STRAP: variants seen among roughly 807,000 people sequenced by gnomAD.
The protein encoded by STRAP is serine-threonine kinase receptor-associated protein.
A neutral mutation model predicts 47.0 loss-of-function variants in STRAP; 16 were observed. That is an observed-to-expected ratio of 0.34 (90% CI 0.23 to 0.52). The LOEUF is 0.52. Ranked by LOEUF, STRAP falls within the 20% of genes least tolerant of loss-of-function variation. STRAP has a pLI of 0.96. For synonymous variants in STRAP, 130 were observed against 142.7 expected (o/e 0.91, Z 0.63); for missense variants, 293 against 420.0 (o/e 0.70, Z 2.64).
intron 2 of STRAP, among the ~76,000 whole-genome samples, 155 bp downstream of exon 2, chr12:15,883,831 C>A (rs1180948122): frequency 6.6e-6 from 1 of 152,230 alleles, no homozygotes; most frequent in African/African-American, 2.4e-5. Context: ...CGTGGTCCAT[C>A]GTGGTCCTGT....
Position 15,882,496 on chromosome 12 carries a change from G to C in STRAP, c.-212G>C. ...CTCCCTCCCTCCCTTTCCCTCCCTC[G>C]TCGACTGTTGCTTGCTGGTCGCAGA... is the stretch of plus-strand genomic sequence containing the variant. On this transcript the variant is annotated 5_prime_UTR_variant, in exon 1 of 10. Coordinates refer to ENST00000419869, the MANE Select transcript of STRAP (RefSeq NM_007178.4). 5.9e-6 allele frequency: 2 copies of C among 340,784 alleles called. No homozygotes were observed. Among genetic ancestry groups the C allele is most frequent in the Non-Finnish European group, 1.1e-5 (2 of 178,024 alleles). 21.1% of individuals were successfully genotyped at this position (340,784 alleles called of 1,614,324 possible). A position where few individuals can be genotyped will look rare whatever the true frequency, so the allele number is the denominator to read the frequency against.
Position 15,898,115 on chromosome 12 carries a change from A to G in STRAP, c.775+97A>G, listed in dbSNP as rs1948075146. On this transcript the variant is annotated intron_variant, in intron 7 of 9. Coordinates refer to ENST00000419869, the MANE Select transcript of STRAP (RefSeq NM_007178.4). ...ATATATATATATATGTTACATATAT[A>G]TGTTGAAAGTAAATTTTTCAGCTAA... 3 of 1,145,454 alleles carry G rather than the reference A, an allele frequency of 2.6e-6. No homozygotes were observed. In the South Asian group the frequency reaches 5.9e-5, roughly 23 times the overall value. The allele number at this position is 1,145,454 out of a possible 1,614,324, so 71.0% of individuals were successfully genotyped here.
At position 15,882,540 on chromosome 12, in the gene STRAP, A is replaced by C. The variant is rs1591981123; in HGVS notation, c.-168A>C. On this transcript the variant is annotated 5_prime_UTR_variant, in exon 1 of 10. Transcript: ENST00000419869. ...TCGCAGACTCCCTGACCCCTCCCTC[A>C]CCCCTCCCTAACCTCGGTGCCACCG... 2.7e-5 allele frequency: 15 copies of C among 550,710 alleles called. No individual in the cohort carries two copies. Among genetic ancestry groups the C allele is most frequent in the Admixed American group, 6.3e-5 (2 of 31,562 alleles). 34.1% of individuals were successfully genotyped at this position (550,710 alleles called of 1,614,324 possible).
At chr12:15,893,477 TTA>T (rs1491402905) in intron 4 of STRAP, among the ~76,000 whole-genome samples, 1 of 146,642 alleles carries the variant, frequency 6.8e-6, no homozygotes, top group African/African-American at 2.5e-5. Flanking sequence ...ATACTTTTTA[TTA>T]TATATAAAAT....
rs1948062063 is a variant in STRAP at position 15,896,587 on chromosome 12, T to G, written c.638+1091T>G. 6.6e-6 allele frequency among the ~76,000 whole-genome samples: 1 copy of G among 152,186 alleles called. No individual in the cohort carries two copies. Among genetic ancestry groups the G allele is most frequent in the African/African-American group, 2.4e-5 (1 of 41,460 alleles). ...GGACCATAATGAATACCATTTTGAT[T>G]TGTTTAAAAATATTGTTAGCCATTT... On this transcript the variant is annotated intron_variant, in intron 6 of 9. Transcript: ENST00000419869. This position sits in a 1 kb window ranked among gnomAD's most constrained non-coding sequence, Gnocchi z 4.1.
chr12:15,882,612 C>A lies in STRAP; in HGVS notation c.-96C>A. 3 of 1,030,184 alleles carry A rather than the reference C, an allele frequency of 2.9e-6. No individual in the cohort carries two copies. The highest frequency in any genetic ancestry group is 4.3e-6 in the Non-Finnish European group (3 of 690,750). 63.8% of individuals were successfully genotyped at this position (1,030,184 alleles called of 1,614,324 possible). A position where few individuals can be genotyped will look rare whatever the true frequency, so the allele number is the denominator to read the frequency against. On this transcript the variant is annotated 5_prime_UTR_variant, in exon 1 of 10. Transcript: ENST00000419869. ...GCCCAGCCCAGCCCTAGTGTCAGGG[C>A]GGGGGCCTGGAGCAGCCCGAGGCAC...
chr12:15,890,584 T>C lies in STRAP; in HGVS notation c.331-13T>C. On this transcript the variant is annotated splice_polypyrimidine_tract_variant and intron_variant, in intron 3 of 9. Transcript: ENST00000419869. This position sits in a 1 kb window ranked among gnomAD's most constrained non-coding sequence, Gnocchi z 4.5. ...AATGGTTAATCTATTCACATTTTAC[T>C]TTGTGTTTTCAGGATAGTAATTATT... is the stretch of plus-strand genomic sequence containing the variant. 6.3e-7 allele frequency: 1 copy of C among 1,599,876 alleles called. No homozygotes were observed. Among genetic ancestry groups the C allele is most frequent in the Non-Finnish European group, 8.5e-7 (1 of 1,172,400 alleles).
At chr12:15,893,897 A>G (rs1318899916) in intron 4 of STRAP, 150 bp from the exon 5 acceptor site, 3 of 621,166 alleles carry the variant, frequency 4.8e-6, no homozygotes, top group Non-Finnish European at 8.4e-6. Flanking sequence ...ACTGTATTCT[A>G]TATAAACATC....
chr12:15,894,261 C>T lies in STRAP; in HGVS notation c.500+118C>T. 1 of 703,262 alleles carries T rather than the reference C, an allele frequency of 1.4e-6. No individual in the cohort carries two copies. The highest frequency in any genetic ancestry group is 2.4e-6 in the Non-Finnish European group (1 of 416,722). The allele number at this position is 703,262 out of a possible 1,614,324, so 43.6% of individuals were successfully genotyped here. A position where few individuals can be genotyped will look rare whatever the true frequency, so the allele number is the denominator to read the frequency against. The stretch of plus-strand genomic sequence containing the variant: ...ATCATTAGAGGTCAGGAGTACTAGA[C>T]CAGCCTGGCCGACATGGCGAAATAC... On this transcript the variant is annotated intron_variant, in intron 5 of 9. Coordinates refer to ENST00000419869, the MANE Select transcript of STRAP (RefSeq NM_007178.4). This position sits in a 1 kb window ranked among gnomAD's most constrained non-coding sequence, Gnocchi z 4.9.
In STRAP at chr12:15,887,347, G is replaced by A. The variant is rs1481653261; in HGVS notation, c.249-2581G>A. The stretch of plus-strand genomic sequence containing the variant: ...AGAGGTAACAGTAGTTTAAGGAGAT[G>A]ACAAGTACTTCGTGGGATGTGAAGA... On this transcript the variant is annotated intron_variant, in intron 2 of 9. Coordinates refer to ENST00000419869, the MANE Select transcript of STRAP (RefSeq NM_007178.4). The surrounding 1 kb of genome is among the most constrained non-coding windows in gnomAD (Gnocchi z 5.5). 6.6e-6 allele frequency among the ~76,000 whole-genome samples: 1 copy of A among 152,182 alleles called. No individual in the cohort carries two copies. Among genetic ancestry groups the A allele is most frequent in the Non-Finnish European group, 1.5e-5 (1 of 68,038 alleles).
chr12:15,882,523 T>A lies in STRAP; in HGVS notation c.-185T>A. The stretch of plus-strand genomic sequence containing the variant: ...CGACTGTTGCTTGCTGGTCGCAGAC[T>A]CCCTGACCCCTCCCTCACCCCTCCC... On this transcript the variant is annotated 5_prime_UTR_variant, in exon 1 of 10. Coordinates refer to ENST00000419869, the MANE Select transcript of STRAP (RefSeq NM_007178.4). 4.3e-6 allele frequency: 2 copies of A among 467,254 alleles called. No individual in the cohort carries two copies. Among genetic ancestry groups the A allele is most frequent in the East Asian group, 4.1e-5 (1 of 24,098 alleles). 28.9% of individuals were successfully genotyped at this position (467,254 alleles called of 1,614,324 possible). A position where few individuals can be genotyped will look rare whatever the true frequency, so the allele number is the denominator to read the frequency against.
Position 15,900,979 on chromosome 12 carries a change from A to G in STRAP, c.958A>G (p.Ile320Val), listed in dbSNP as rs1004702555. ...TAGTGGTGAGCTGGCAAAGCCAAAG[A>G]TTGGTTTTCCAGAGACAACAGAAGA... ...EDSGELAKPKIGFPETTEEEL... is the reference protein window; with the variant it reads ...EDSGELAKPKVGFPETTEEEL... Residue 320 changes from isoleucine to valine, a missense_variant, in exon 9 of 10, where the codon ATT becomes GTT. Ile to Val is a conservative substitution (Grantham distance 29, BLOSUM62 3). Around this residue, in one of 5 missense-constraint regions of STRAP, gnomAD observed 52 missense variants for 45.0 expected, o/e 1.16. Coordinates refer to ENST00000419869, the MANE Select transcript of STRAP (RefSeq NM_007178.4). 1.9e-6 allele frequency: 3 copies of G among 1,599,070 alleles called. No individual in the cohort carries two copies. In the African/African-American group the frequency reaches 4.0e-5, roughly 21 times the overall value.
chr12:15,889,845 A>G (rs1253049231), intron 2 of STRAP, 83 bp from the exon 3 acceptor site: 14 of 1,065,714 alleles, frequency 1.3e-5, no homozygotes, highest in Non-Finnish European at 2.0e-5. Flanking sequence ...CTTATTTGGT[A>G]CTCATCAATA....
chr12:15,891,944 GA>G (rs11339298), intron 4 of STRAP, among the ~76,000 whole-genome samples: 9,638 of 138,404 alleles, frequency 0.07, 943 homozygotes, highest in African/African-American at 0.22. Context: ...TTCTCAAAAA[GA>G]AAAAAAAAAA....
At chr12:15,892,966 CG>C (rs1565575360) in intron 4 of STRAP, among the ~76,000 whole-genome samples, 1 of 152,096 alleles carries the variant, frequency 6.6e-6, no homozygotes, top group African/African-American at 2.4e-5. Context: ...TACTGTGTAT[CG>C]GGTATCTGTT....
intron 2 of STRAP, among the ~76,000 whole-genome samples, chr12:15,888,803 C>G (rs1191692968): frequency 1.3e-5 from 2 of 152,096 alleles, no homozygotes; most frequent in African/African-American, 4.8e-5. Context: ...AGCTAAAGCT[C>G]TACTATGGCA....
intron 1 of STRAP, chr12:15,883,269 G>T: frequency 1.0e-6 from 1 of 1,003,970 alleles, no homozygotes; most frequent in Non-Finnish European, 1.5e-6. Flanking sequence ...AGGCTAAGAT[G>T]TCTGTCCAAA....
chr12:15,902,296 A>G (rs1268024421), intron 9 of STRAP, among the ~76,000 whole-genome samples: 1 of 151,870 alleles, frequency 6.6e-6, no homozygotes, highest in African/African-American at 2.4e-5. Flanking sequence ...TAATAAGGGT[A>G]TTGCAATGAG....
At chr12:15,886,837 A>C (rs577364444) in intron 2 of STRAP, among the ~76,000 whole-genome samples, 1 of 152,260 alleles carries the variant, frequency 6.6e-6, no homozygotes, top group East Asian at 1.9e-4. Context: ...CTTGTGGAGA[A>C]ATTTAGCAGA....
Sources: allele counts gnomAD v4.1 joint callset (sites outside exome capture counted in the v4.1 genomes callset), GRCh38; gene constraint gnomAD v4.1.1; regional missense constraint gnomAD v4.1.1; non-coding constraint Gnocchi (gnomAD v3.1); transcripts MANE v1.5; gene names NCBI Gene and HGNC (gene_info 2026-07-23, HGNC 2026-07-21).